WWOX: variants seen among roughly 807,000 people sequenced by gnomAD.
WWOX encodes WW domain-containing oxidoreductase.
WWOX carries 69 observed loss-of-function variants against 46.2 expected under a neutral mutation model. That is an observed-to-expected ratio of 1.49 (90% confidence interval 1.23 to 1.82). WWOX has a LOEUF of 1.82. Among genes scored for constraint, WWOX ranks in the 40% most tolerant of loss-of-function variants. The pLI is 0.00. For missense variants in WWOX, 919 were observed against 542.6 expected (o/e 1.69, Z -6.89); for synonymous variants, 359 against 202.6 (o/e 1.77, Z -6.56).
chr16:78,984,517 C>T (rs1029617676), intron 8 of WWOX, among the ~76,000 whole-genome samples: 3 of 152,178 alleles, frequency 2.0e-5, no homozygotes, highest in Non-Finnish European at 4.4e-5. Context: ...TTTACAAAAA[C>T]AGGCAGCAGG....
At chr16:78,282,713 C>G (rs764934285) in intron 5 of WWOX, among the ~76,000 whole-genome samples, 1 of 151,956 alleles carries the variant, frequency 6.6e-6, no homozygotes, top group South Asian at 2.1e-4. Context: ...CCCATGTCTA[C>G]TAAAAATACA....
chr16:79,138,277 T>C (rs2050021810), intron 8 of WWOX, among the ~76,000 whole-genome samples: 1 of 152,060 alleles, frequency 6.6e-6, no homozygotes, highest in Non-Finnish European at 1.5e-5. Context: ...CATAGGAAAA[T>C]GTGTAATTCG....
chr16:78,732,906 A>G (rs2049000489), intron 8 of WWOX, among the ~76,000 whole-genome samples: 2 of 152,176 alleles, frequency 1.3e-5, no homozygotes, highest in Non-Finnish European at 2.9e-5. Context: ...TGTGTTTCGC[A>G]AGAGTAAAGA....
rs908141375 is a variant in WWOX, at chr16:78,843,095, A to AT, written c.1057-368504dup. On this transcript the variant is annotated intron_variant, in intron 8 of 8. Coordinates refer to ENST00000566780, the MANE Select transcript of WWOX (RefSeq NM_016373.4). ...CTTTTGGCAATCACTTCTCTTGTTAATTTTTTTTTGGCACCATAGAAATGT... is the reference window on the plus strand; with the variant it reads ...CTTTTGGCAATCACTTCTCTTGTTAATTTTTTTTTTGGCACCATAGAAATGT... Among the ~76,000 whole-genome samples the AT allele has an allele frequency of 5.5e-4, 82 of 148,492 alleles. 1 individual carries two copies. The highest frequency in any genetic ancestry group is 1.8e-3 in the African/African-American group (75 of 41,044).
At chr16:78,935,938 C>T (rs1410212785) in intron 8 of WWOX, among the ~76,000 whole-genome samples, 3 of 151,838 alleles carry the variant, frequency 2.0e-5, no homozygotes, top group Non-Finnish European at 4.4e-5. Context: ...AAATAAGCAG[C>T]AGCAGCAGCA....
In WWOX at chr16:78,702,062, T is replaced by TTA. The variant is rs548266175; in HGVS notation, c.1056+269321_1056+269322dup. ...ATATATATAAAATAATGCAGAAGTT[T>TTA]TATATATATATAAAGTTTTATATTT... On this transcript the variant is annotated intron_variant, in intron 8 of 8. Coordinates refer to ENST00000566780, the MANE Select transcript of WWOX (RefSeq NM_016373.4). 1.8e-4 allele frequency among the ~76,000 whole-genome samples: 21 copies of TTA among 116,890 alleles called. 1 individual carries two copies. Among genetic ancestry groups the TTA allele is most frequent in the African/African-American group, 2.9e-4 (8 of 27,644 alleles). The allele number at this position is 116,890 out of a possible 152,430, so 76.7% of individuals were successfully genotyped here.
chr16:78,469,392 C>G (rs1204863716), intron 8 of WWOX, among the ~76,000 whole-genome samples: 1 of 151,882 alleles, frequency 6.6e-6, no homozygotes, highest in African/African-American at 2.4e-5. Flanking sequence ...CATCTCTTCA[C>G]AGGAGCACTT....
At chr16:78,479,317 G>C (rs1224041422) in intron 8 of WWOX, among the ~76,000 whole-genome samples, 3 of 152,190 alleles carry the variant, frequency 2.0e-5, no homozygotes, top group Non-Finnish European at 4.4e-5. Context: ...ATTATCTAGA[G>C]AGAAAGATTA....
intron 8 of WWOX, among the ~76,000 whole-genome samples, chr16:78,715,213 A>G (rs1567510532): frequency 6.6e-6 from 1 of 152,184 alleles, no homozygotes; most frequent in Non-Finnish European, 1.5e-5. Flanking sequence ...GTTGCAAGTT[A>G]AAGAAAACAC....
intron 8 of WWOX, among the ~76,000 whole-genome samples, chr16:78,460,334 G>T (rs927179239): frequency 5.3e-5 from 8 of 152,042 alleles, no homozygotes; most frequent in African/African-American, 1.4e-4. Flanking sequence ...CACCAAGTTG[G>T]CCAGGTTGTT....
At chr16:78,793,073 A>G (rs1287653875) in intron 8 of WWOX, among the ~76,000 whole-genome samples, 1 of 151,906 alleles carries the variant, frequency 6.6e-6, no homozygotes, top group Non-Finnish European at 1.5e-5. Context: ...ATCTGTATCT[A>G]TATCTAATCT....
intron 8 of WWOX, among the ~76,000 whole-genome samples, chr16:78,543,397 C>A (rs1428520402): frequency 6.6e-6 from 1 of 152,196 alleles, no homozygotes; most frequent in African/African-American, 2.4e-5. Flanking sequence ...CAATGATGCC[C>A]TTTCACATAC....
chr16:78,625,130 C>G (rs1219172515), intron 8 of WWOX, among the ~76,000 whole-genome samples: 1 of 152,228 alleles, frequency 6.6e-6, no homozygotes, highest in Non-Finnish European at 1.5e-5. Context: ...TCCTAAGCTA[C>G]TAAAACTTTG....
At chr16:78,427,145 G>C (rs2083100165) in intron 7 of WWOX, among the ~76,000 whole-genome samples, 1 of 152,126 alleles carries the variant, frequency 6.6e-6, no homozygotes, top group Non-Finnish European at 1.5e-5. Context: ...GCTGTAAAAT[G>C]CAAGTGCTGA....
chr16:78,228,245 G>A (rs771894589), intron 5 of WWOX, among the ~76,000 whole-genome samples: 7 of 152,074 alleles, frequency 4.6e-5, no homozygotes, highest in Admixed American at 1.3e-4. Context: ...CACTGGATGG[G>A]AAGGCAGGCA....
chr16:78,103,593 C>G (rs1386408327), intron 1 of WWOX, among the ~76,000 whole-genome samples: 2 of 152,156 alleles, frequency 1.3e-5, no homozygotes, highest in East Asian at 1.9e-4. Context: ...CTCTCCTGAT[C>G]TGTGAGCATC....
intron 8 of WWOX, among the ~76,000 whole-genome samples, chr16:79,014,758 T>A (rs559314814): frequency 3.9e-4 from 59 of 152,306 alleles, no homozygotes; most frequent in Middle Eastern, 3.4e-3. Context: ...GTAAGTGGAT[T>A]CGAGTTAGTT....
intron 8 of WWOX, among the ~76,000 whole-genome samples, chr16:79,074,905 T>C (rs1367578151): frequency 2.0e-5 from 3 of 151,718 alleles, no homozygotes; most frequent in Non-Finnish European, 4.4e-5. Context: ...AAAATAAACG[T>C]TTTGCCAAAG....
At chr16:78,413,118 C>A (rs1198537109) in intron 6 of WWOX, among the ~76,000 whole-genome samples, 1 of 152,134 alleles carries the variant, frequency 6.6e-6, no homozygotes, top group African/African-American at 2.4e-5. Context: ...GGGGGTACTG[C>A]AAATAGAGAA....
Sources: allele counts gnomAD v4.1 joint callset (sites outside exome capture counted in the v4.1 genomes callset), GRCh38; gene constraint gnomAD v4.1.1; transcripts MANE v1.5; gene names NCBI Gene and HGNC (gene_info 2026-07-23, HGNC 2026-07-21).